PIK3CB: variants seen among roughly 807,000 people sequenced by gnomAD.
The protein encoded by PIK3CB is phosphatidylinositol-4,5-bisphosphate 3-kinase catalytic subunit beta.
In PIK3CB, 39 loss-of-function variants were observed where a neutral mutation model predicts 136.8. The observed-to-expected ratio is 0.29, with a 90% CI of 0.22 to 0.37. PIK3CB has a LOEUF of 0.37. Among genes scored for constraint, PIK3CB ranks in the 10% least tolerant of loss-of-function variants. PIK3CB has a pLI of 1.00. For synonymous variants in PIK3CB, 428 were observed against 436.6 expected, an observed-to-expected ratio of 0.98 and a Z score of 0.25; for missense variants, 868 against 1,275.4, an observed-to-expected ratio of 0.68 and a Z score of 4.87.
At chr3:138,683,047 G>A (rs1318937418) in intron 18 of PIK3CB, among the ~76,000 whole-genome samples, 4 of 152,124 alleles carry the variant, frequency 2.6e-5, no homozygotes, top group African/African-American at 9.7e-5. Context: ...CAAGATGTAT[G>A]AATATATTAC....
intron 8 of PIK3CB, among the ~76,000 whole-genome samples, chr3:138,717,348 C>G (rs1033033137): frequency 6.6e-6 from 1 of 151,128 alleles, no homozygotes; most frequent in African/African-American, 2.4e-5. Context: ...ATATTAAAAT[C>G]AATGATCTTT....
At chr3:138,734,549 G>T in intron 7 of PIK3CB, 85 bp downstream of exon 7, 1 of 980,342 alleles carries the variant, frequency 1.0e-6, no homozygotes, top group Non-Finnish European at 1.5e-6. Flanking sequence ...GGAGAAGTGA[G>T]CAAAGGAAAT....
At chr3:138,824,480 C>T (rs956461185) in intron 1 of PIK3CB, among the ~76,000 whole-genome samples, 16 of 152,066 alleles carry the variant, frequency 1.1e-4, no homozygotes, top group Admixed American at 9.8e-4. Flanking sequence ...TGCTAAATAT[C>T]TGAGGAGCTA....
At chr3:138,671,254 A>AATG (rs1329235189) in intron 19 of PIK3CB, among the ~76,000 whole-genome samples, 2 of 152,224 alleles carry the variant, frequency 1.3e-5, no homozygotes, top group African/African-American at 2.4e-5. Context: ...AACTTAATAC[A>AATG]ATGCCTGGTT....
chr3:138,792,107 A>G (rs1012921027), intron 2 of PIK3CB, among the ~76,000 whole-genome samples: 9 of 152,148 alleles, frequency 5.9e-5, no homozygotes, highest in Non-Finnish European at 1.0e-4. Flanking sequence ...AGGCAGGAGA[A>G]TCGCTTGAAC....
intron 1 of PIK3CB, among the ~76,000 whole-genome samples, chr3:138,823,286 T>C (rs1048366371): frequency 2.0e-5 from 3 of 151,886 alleles, no homozygotes; most frequent in Non-Finnish European, 4.4e-5. Context: ...ACAAGGCCTA[T>C]ACTAAATCAA....
At chr3:138,831,695 G>C (rs1412044117) in intron 1 of PIK3CB, among the ~76,000 whole-genome samples, 1 of 152,242 alleles carries the variant, frequency 6.6e-6, no homozygotes, top group Non-Finnish European at 1.5e-5. Context: ...GGGAGGCCAA[G>C]GCGGGAGGAA....
At chr3:138,667,739 T>C (rs2043445891) in intron 19 of PIK3CB, among the ~76,000 whole-genome samples, 1 of 151,320 alleles carries the variant, frequency 6.6e-6, no homozygotes, top group South Asian at 2.1e-4. Context: ...TTTTTTTTTT[T>C]GTATTTTTAG....
At chr3:138,739,024 G>A (rs2045178458) in intron 5 of PIK3CB, among the ~76,000 whole-genome samples, 1 of 152,132 alleles carries the variant, frequency 6.6e-6, no homozygotes, top group Non-Finnish European at 1.5e-5. Flanking sequence ...GAATGTTTGT[G>A]TCTCCCCTGG....
chr3:138,830,696 G>C (rs771802946), intron 1 of PIK3CB, among the ~76,000 whole-genome samples: 4 of 142,604 alleles, frequency 2.8e-5, no homozygotes, highest in African/African-American at 1.0e-4. Flanking sequence ...TCAGGAGATC[G>C]AGACCATCCT....
chr3:138,812,754 C>A (rs1035832941), intron 1 of PIK3CB, among the ~76,000 whole-genome samples: 2 of 152,092 alleles, frequency 1.3e-5, no homozygotes, highest in Non-Finnish European at 2.9e-5. Flanking sequence ...GTCTCGAACT[C>A]CTTACATCAG....
chr3:138,732,942 T>A (rs1207723821), intron 8 of PIK3CB, among the ~76,000 whole-genome samples: 1 of 151,772 alleles, frequency 6.6e-6, no homozygotes, highest in Non-Finnish European at 1.5e-5. Flanking sequence ...AATTCCTGTA[T>A]AAAATATCAT....
At chr3:138,818,392 G>GTGTGACCT (rs1386166543) in intron 1 of PIK3CB, among the ~76,000 whole-genome samples, 2 of 152,128 alleles carry the variant, frequency 1.3e-5, no homozygotes, top group Non-Finnish European at 2.9e-5. Flanking sequence ...TTTATTCACT[G>GTGTGACCT]TGTGACCTTG....
Position 138,665,211 on chromosome 3 carries a change from GA to G in PIK3CB, c.2505-9del, listed in dbSNP as rs781101248. ...CAGCCATAAGGCAACATCCTGGAAG[GA>G]AAAAAATGGGCATAGAGTCATATTT... On this transcript the variant is annotated splice_polypyrimidine_tract_variant and intron_variant, in intron 19 of 23. Coordinates refer to ENST00000674063, the MANE Select transcript of PIK3CB (RefSeq NM_006219.3). 12 of 1,551,700 alleles carry G rather than the reference GA, an allele frequency of 7.7e-6. No homozygotes were observed. Among genetic ancestry groups the G allele is most frequent in the African/African-American group, 5.5e-5 (4 of 72,880 alleles).
chr3:138,781,071 C>T (rs1207721046), intron 2 of PIK3CB, among the ~76,000 whole-genome samples: 2 of 152,260 alleles, frequency 1.3e-5, no homozygotes, highest in African/African-American at 4.8e-5. Flanking sequence ...AGGAGAATCG[C>T]TTCAGCCCAG....
chr3:138,788,997 A>AAAAAAAAAAAAAAAAC (rs1559879235), intron 2 of PIK3CB, among the ~76,000 whole-genome samples: 4 of 150,194 alleles, frequency 2.7e-5, no homozygotes, highest in African/African-American at 7.4e-5. Flanking sequence ...AAAAAACAAA[A>AAAAAAAAAAAAAAAAC]AACAACACCA....
chr3:138,828,184 CTTTTTTTTT>C (rs1176715980), intron 1 of PIK3CB, among the ~76,000 whole-genome samples: 1 of 131,092 alleles, frequency 7.6e-6, no homozygotes, highest in African/African-American at 2.8e-5. Flanking sequence ...ATTAAATTTC[CTTTTTTTTT>C]TTTTTTTTTT....
intron 2 of PIK3CB, among the ~76,000 whole-genome samples, chr3:138,776,272 A>T (rs1559873876): frequency 6.6e-6 from 1 of 152,240 alleles, no homozygotes; most frequent in African/African-American, 2.4e-5. Context: ...TTAATAATTT[A>T]AAATGTTTCC....
chr3:138,798,493 T>C (rs1437341941), intron 1 of PIK3CB, among the ~76,000 whole-genome samples: 1 of 152,168 alleles, frequency 6.6e-6, no homozygotes, highest in Non-Finnish European at 1.5e-5. Flanking sequence ...TCTTTATTTA[T>C]ATAAAGAAAC....
Sources: gnomAD v4.1 joint callset for allele counts (sites outside exome capture counted in the v4.1 genomes callset) on GRCh38, gnomAD v4.1.1 for gene constraint, MANE v1.5 for transcripts, NCBI Gene and HGNC (gene_info 2026-07-23, HGNC 2026-07-21) for gene names.